Variants in FAM53A observed in about 807,000 individuals in gnomAD.
FAM53A encodes protein FAM53A.
A neutral mutation model predicts 26.6 loss-of-function variants in FAM53A; 28 were observed. The ratio of observed to expected loss-of-function variants is 1.05; its 90% confidence interval spans 0.78 to 1.45. The LOEUF is 1.45. FAM53A is among the 40% of genes most tolerant of loss of function. The pLI is 0.00. For synonymous variants in FAM53A, 290 were observed against 253.1 expected (o/e 1.15, Z -1.38); for missense variants, 650 against 575.8 (o/e 1.13, Z -1.32).
chr4:1,589,315 C>T, the FAM53A span, among the ~76,000 whole-genome samples: 1 of 152,180 alleles, frequency 6.6e-6, no homozygotes, highest in Non-Finnish European at 1.5e-5. Context: ...ACCATCTTTG[C>T]ATTCCTGAAA....
At chr4:1,656,580 T>C (rs1454870727) in intron 3 of FAM53A, among the ~76,000 whole-genome samples, 2 of 151,998 alleles carry the variant, frequency 1.3e-5, no homozygotes, top group African/African-American at 2.4e-5. Context: ...GCTGCGGGGC[T>C]CTGAGCCAGG....
At chr4:1,665,022 A>T (rs1230080997) in intron 2 of FAM53A, among the ~76,000 whole-genome samples, 1 of 149,288 alleles carries the variant, frequency 6.7e-6, no homozygotes, top group East Asian at 2.0e-4. Context: ...TTTTTAAAAA[A>T]TCCTGATAAA....
At chr4:1,616,973 C>T (rs1714833069), downstream of FAM53A, among the ~76,000 whole-genome samples, 1 of 152,086 alleles carries the variant, frequency 6.6e-6, no homozygotes, top group Admixed American at 6.5e-5. Context: ...ACCATCTCCA[C>T]AAAAAATACA....
intron 4 of FAM53A, among the ~76,000 whole-genome samples, chr4:1,642,631 C>T (rs555379787): frequency 1.3e-5 from 2 of 152,332 alleles, no homozygotes; most frequent in East Asian, 1.9e-4. Context: ...TCCATGGCCA[C>T]GACCAGGGCA....
chr4:1,682,484 A>G (rs1715515182), intron 1 of FAM53A, among the ~76,000 whole-genome samples: 1 of 151,946 alleles, frequency 6.6e-6, no homozygotes, highest in Non-Finnish European at 1.5e-5. Flanking sequence ...GATGGTCTCG[A>G]TCTCCTGACC....
At chr4:1,633,999 T>C (rs951647387) in intron 1 of FAM53A, among the ~76,000 whole-genome samples, 41 of 152,184 alleles carry the variant, frequency 2.7e-4, no homozygotes, top group African/African-American at 9.4e-4. Context: ...GCCCGGGGTT[T>C]CAGGGACACC....
the FAM53A span, among the ~76,000 whole-genome samples, chr4:1,592,725 A>T: frequency 6.6e-5 from 10 of 152,242 alleles, no homozygotes; most frequent in South Asian, 1.9e-3. Flanking sequence ...GCCTGGGTGG[A>T]AGGAGCAGGA....
chr4:1,663,187 G>T (rs571400192), intron 2 of FAM53A, among the ~76,000 whole-genome samples: 2 of 152,290 alleles, frequency 1.3e-5, no homozygotes, highest in African/African-American at 4.8e-5. Context: ...GCCAGACTCT[G>T]CCTCAAGAAA....
chr4:1,598,292 C>T, the FAM53A span, among the ~76,000 whole-genome samples: 1 of 152,268 alleles, frequency 6.6e-6, no homozygotes, highest in Non-Finnish European at 1.5e-5. Flanking sequence ...GCAGCCGCAG[C>T]TGCATGGAGT....
the FAM53A span, among the ~76,000 whole-genome samples, chr4:1,576,114 A>G: frequency 1.3e-5 from 2 of 152,210 alleles, no homozygotes; most frequent in East Asian, 1.9e-4. Flanking sequence ...ATTGGCTCCA[A>G]TAAAGAGCAA....
the FAM53A span, among the ~76,000 whole-genome samples, chr4:1,606,355 C>T: frequency 4.6e-5 from 7 of 152,014 alleles, no homozygotes. Flanking sequence ...TCCTATGACT[C>T]TTACTGGGGT....
chr4:1,594,505 T>G, the FAM53A span, among the ~76,000 whole-genome samples: 1 of 152,212 alleles, frequency 6.6e-6, no homozygotes, highest in Non-Finnish European at 1.5e-5. Flanking sequence ...TTGGGTTCTC[T>G]TCTCTATCTT....
At chr4:1,665,577 G>T (rs908319536) in intron 2 of FAM53A, among the ~76,000 whole-genome samples, 1 of 152,158 alleles carries the variant, frequency 6.6e-6, no homozygotes, top group Non-Finnish European at 1.5e-5. Flanking sequence ...ATATTCACAG[G>T]CCGTGTTTTA....
the FAM53A span, among the ~76,000 whole-genome samples, chr4:1,584,962 TTTAA>T: frequency 6.6e-6 from 1 of 152,278 alleles, no homozygotes; most frequent in East Asian, 1.9e-4. Flanking sequence ...GACTTGTTTT[TTTAA>T]TTAATTAATT....
At chr4:1,596,228 C>A in the FAM53A span, among the ~76,000 whole-genome samples, 1 of 152,260 alleles carries the variant, frequency 6.6e-6, no homozygotes, top group Non-Finnish European at 1.5e-5. Context: ...CACATCCTCG[C>A]AGCACAGGGC....
At chr4:1,644,991 C>T (rs1216557846) in intron 4 of FAM53A, 2 of 152,350 alleles carry the variant, frequency 1.3e-5, no homozygotes, top group Admixed American at 1.3e-4. Context: ...CTTGAGAAAG[C>T]GCAAGCTCCA....
chr4:1,602,257 C>A, the FAM53A span, among the ~76,000 whole-genome samples: 7 of 152,334 alleles, frequency 4.6e-5, no homozygotes, highest in South Asian at 1.0e-3. Flanking sequence ...GGGAGCTGGG[C>A]CCCCACCTCC....
chr4:1,652,665 ACAC>A (rs1181829558), intron 4 of FAM53A, among the ~76,000 whole-genome samples: 9 of 146,682 alleles, frequency 6.1e-5, no homozygotes, highest in African/African-American at 1.0e-4. Context: ...CACCACATAT[ACAC>A]CACACCACAC....
intron 4 of FAM53A, among the ~76,000 whole-genome samples, chr4:1,643,229 G>A (rs1005062050): frequency 6.6e-6 from 1 of 152,182 alleles, no homozygotes; most frequent in Non-Finnish European, 1.5e-5. Flanking sequence ...CACTTTGGGA[G>A]GCCGGGGCGG....
Sources: allele counts gnomAD v4.1 joint callset (sites outside exome capture counted in the v4.1 genomes callset), GRCh38; gene constraint gnomAD v4.1.1; transcripts MANE v1.5; gene names NCBI Gene and HGNC (gene_info 2026-07-23, HGNC 2026-07-21).